MKLN1: variants seen among roughly 807,000 people sequenced by gnomAD.
MKLN1 encodes muskelin.
MKLN1 carries 18 observed loss-of-function variants against 99.0 expected under a neutral mutation model. That is an observed-to-expected ratio of 0.18 (90% CI 0.13 to 0.27). MKLN1 has a LOEUF of 0.27. MKLN1 is among the 10% of genes least tolerant of loss of function. The pLI is 1.00. For synonymous variants in MKLN1, 288 were observed against 293.2 expected, an observed-to-expected ratio of 0.98 and a Z score of 0.18; for missense variants, 621 against 875.9, an observed-to-expected ratio of 0.71 and a Z score of 3.67.
intron 2 of MKLN1, among the ~76,000 whole-genome samples, chr7:131,158,499 C>T (rs1437583210): frequency 1.3e-5 from 2 of 152,156 alleles, no homozygotes; most frequent in South Asian, 2.1e-4. Flanking sequence ...AAGAGTAGGA[C>T]TGAGTGCCAT....
intron 6 of MKLN1, among the ~76,000 whole-genome samples, chr7:131,402,356 G>C (rs1486943391): frequency 6.6e-6 from 1 of 152,122 alleles, no homozygotes. Flanking sequence ...TAGTTCTCTT[G>C]CTATTTCTAC....
At chr7:131,446,618 C>T (rs920479622) in intron 12 of MKLN1, among the ~76,000 whole-genome samples, 2 of 151,992 alleles carry the variant, frequency 1.3e-5, no homozygotes, top group African/African-American at 4.8e-5. Flanking sequence ...GGCTCTTTTG[C>T]CAAATGTGGA....
chr7:131,450,800 G>A (rs1584756779), intron 12 of MKLN1, among the ~76,000 whole-genome samples: 1 of 152,156 alleles, frequency 6.6e-6, no homozygotes, highest in Non-Finnish European at 1.5e-5. Context: ...GCCCAGGTTA[G>A]AAATATAAAA....
chr7:131,195,638 A>G (rs1256628188), intron 2 of MKLN1, among the ~76,000 whole-genome samples: 1 of 152,060 alleles, frequency 6.6e-6, no homozygotes, highest in Non-Finnish European at 1.5e-5. Flanking sequence ...TACATATTTC[A>G]TATGTGTTTG....
intron 4 of MKLN1, among the ~76,000 whole-genome samples, chr7:131,392,293 A>T (rs1667412627): frequency 6.6e-6 from 1 of 152,092 alleles, no homozygotes; most frequent in African/African-American, 2.4e-5. Flanking sequence ...TGCAGCCTGG[A>T]TGATTGTGGA....
intron 3 of MKLN1, among the ~76,000 whole-genome samples, chr7:131,308,645 G>A (rs1798506971): frequency 6.6e-6 from 1 of 151,410 alleles, no homozygotes; most frequent in South Asian, 2.1e-4. Context: ...TAGTGCAATG[G>A]CATGATCTCA....
intron 3 of MKLN1, among the ~76,000 whole-genome samples, chr7:131,274,170 T>A (rs1797927497): frequency 6.6e-6 from 1 of 152,084 alleles, no homozygotes; most frequent in Non-Finnish European, 1.5e-5. Flanking sequence ...GAAACATAAG[T>A]TGGGGACGGG....
At chr7:131,456,190 T>G (rs1458816418) in intron 12 of MKLN1, among the ~76,000 whole-genome samples, 1 of 151,982 alleles carries the variant, frequency 6.6e-6, no homozygotes, top group Non-Finnish European at 1.5e-5. Context: ...TGACCTTTAG[T>G]TTTTTTTGTT....
intron 1 of MKLN1, among the ~76,000 whole-genome samples, chr7:131,128,999 C>T (rs1459781832): frequency 6.8e-6 from 1 of 147,116 alleles, no homozygotes; most frequent in African/African-American, 2.5e-5. Context: ...GTGTCTTTAA[C>T]ATGCAAACAA....
At chr7:131,432,735 C>T (rs567355523) in intron 9 of MKLN1, among the ~76,000 whole-genome samples, 12 of 152,274 alleles carry the variant, frequency 7.9e-5, no homozygotes, top group Admixed American at 2.6e-4. Flanking sequence ...CATGAGCCAC[C>T]GCGCCTGGCC....
chr7:131,221,502 CTTTTTTT>C (rs71174930), intron 3 of MKLN1, among the ~76,000 whole-genome samples: 3 of 123,988 alleles, frequency 2.4e-5, no homozygotes, highest in African/African-American at 9.1e-5. Flanking sequence ...GATCATGCCA[CTTTTTTT>C]TTTTTTTTTT....
At chr7:131,195,623 C>A (rs900409649) in intron 2 of MKLN1, among the ~76,000 whole-genome samples, 9 of 152,042 alleles carry the variant, frequency 5.9e-5, no homozygotes, top group African/African-American at 2.2e-4. Flanking sequence ...ATATATGTAA[C>A]CACATACATA....
chr7:131,390,653 T>G (rs1794174044), intron 4 of MKLN1, among the ~76,000 whole-genome samples: 1 of 152,116 alleles, frequency 6.6e-6, no homozygotes, highest in African/African-American at 2.4e-5. Flanking sequence ...AATTAACATA[T>G]CCCTCACCTC....
At chr7:131,152,111 C>A (rs116762845) in intron 2 of MKLN1, among the ~76,000 whole-genome samples, 2,327 of 152,200 alleles carry the variant, frequency 0.015, 65 homozygotes, top group African/African-American at 0.054. Flanking sequence ...TCACTTGAGG[C>A]CATTAGTTTG....
chr7:131,478,520 G>C, intron 16 of MKLN1, 103 bp from the exon 17 acceptor site: 1 of 1,167,240 alleles, frequency 8.6e-7, no homozygotes, highest in Non-Finnish European at 1.1e-6. Context: ...GCAGAAATAC[G>C]TAGTTGCTGA....
intron 3 of MKLN1, among the ~76,000 whole-genome samples, chr7:131,231,845 G>A (rs935394117): frequency 2.0e-5 from 3 of 152,210 alleles, no homozygotes; most frequent in Non-Finnish European, 4.4e-5. Flanking sequence ...AGTTGCATCA[G>A]AAGAGGAAGA....
chr7:131,376,966 CATG>C (rs1406810603), intron 2 of MKLN1, among the ~76,000 whole-genome samples: 3 of 151,938 alleles, frequency 2.0e-5, no homozygotes, highest in South Asian at 2.1e-4. Flanking sequence ...TGTTTTTTAA[CATG>C]ATGTTTATTA....
In MKLN1 at chr7:131,443,266, C is replaced by T. The variant is rs188378836; in HGVS notation, c.1174-215C>T. Among the ~76,000 whole-genome samples, 537 of 152,248 alleles carry T rather than the reference C, an allele frequency of 3.5e-3. 1 individual carries two copies. The highest frequency in any genetic ancestry group is 6.8e-3 in the Middle Eastern group (2 of 294). ...TGCAATTTCAAGAAAGCAGAAAGCTCTTTATTCCAACATGTTTTTACCCTC... is the reference window on the plus strand; with the variant it reads ...TGCAATTTCAAGAAAGCAGAAAGCTTTTTATTCCAACATGTTTTTACCCTC... On this transcript the variant is annotated intron_variant, in intron 10 of 17. Transcript: ENST00000352689.
intron 3 of MKLN1, among the ~76,000 whole-genome samples, chr7:131,301,442 G>T (rs1001726895): frequency 1.3e-5 from 2 of 152,214 alleles, no homozygotes; most frequent in African/African-American, 4.8e-5. Context: ...AGGAAGAAAA[G>T]AAGTCATCAA....
Sources: gnomAD v4.1 joint callset for allele counts (sites outside exome capture counted in the v4.1 genomes callset) on GRCh38, gnomAD v4.1.1 for gene constraint, MANE v1.5 for transcripts, NCBI Gene and HGNC (gene_info 2026-07-23, HGNC 2026-07-21) for gene names.